MAP1B: variants seen among roughly 807,000 people sequenced by gnomAD.
The protein encoded by MAP1B is microtubule-associated protein 1B.
A neutral mutation model predicts 176.1 loss-of-function variants in MAP1B; 12 were observed. The ratio of observed to expected loss-of-function variants is 0.07; its 90% CI spans 0.04 to 0.11. MAP1B has a LOEUF of 0.11. Ranked by LOEUF, MAP1B falls within the 10% of genes least tolerant of loss-of-function variation. The pLI, the probability that MAP1B is intolerant of heterozygous loss-of-function variation, is 1.00. For synonymous variants in MAP1B, 1,044 were observed against 1,135.0 expected, an observed-to-expected ratio of 0.92 and a Z score of 1.61; for missense variants, 2,523 against 2,990.5, an observed-to-expected ratio of 0.84 and a Z score of 3.65.
At chr5:72,140,801 TA>T (rs1261119638) in intron 2 of MAP1B, among the ~76,000 whole-genome samples, 4 of 152,140 alleles carry the variant, frequency 2.6e-5, no homozygotes. Context: ...CATGAAAAAA[TA>T]AAAGGGCCAA....
chr5:72,162,581 A>T (rs375433705), intron 2 of MAP1B, among the ~76,000 whole-genome samples: 1 of 152,152 alleles, frequency 6.6e-6, no homozygotes, highest in African/African-American at 2.4e-5. Flanking sequence ...GTTAGCGCTT[A>T]TGAAATATTT....
chr5:72,112,555 A>G (rs1220343760), intron 1 of MAP1B, among the ~76,000 whole-genome samples: 1 of 152,050 alleles, frequency 6.6e-6, no homozygotes, highest in African/African-American at 2.4e-5. Flanking sequence ...TATCATGTGC[A>G]TGTCAGCCTC....
At chr5:72,110,298 A>G (rs1745304253) in intron 1 of MAP1B, among the ~76,000 whole-genome samples, 1 of 152,214 alleles carries the variant, frequency 6.6e-6, no homozygotes, top group Admixed American at 6.5e-5. Context: ...GAACTCCGAA[A>G]TGACTGTATT....
At chr5:72,147,045 C>G (rs1293326239) in intron 2 of MAP1B, among the ~76,000 whole-genome samples, 1 of 150,720 alleles carries the variant, frequency 6.6e-6, no homozygotes, top group Non-Finnish European at 1.5e-5. Flanking sequence ...ACTGCAACCT[C>G]TGACTCCCAG....
chr5:72,154,113 A>G (rs942331600), intron 2 of MAP1B, among the ~76,000 whole-genome samples: 19 of 152,146 alleles, frequency 1.2e-4, no homozygotes, highest in Non-Finnish European at 2.6e-4. Context: ...CTAAAATTCC[A>G]TGGGGTGTTC....
At chr5:72,115,479 C>T (rs1531311) in intron 1 of MAP1B, among the ~76,000 whole-genome samples, 18,787 of 152,202 alleles carry the variant, frequency 0.12, 1,307 homozygotes, top group East Asian at 0.33. Flanking sequence ...GGGGCAGAAG[C>T]TCAGTCCACA....
At chr5:72,178,944 A>G (rs550615771) in intron 2 of MAP1B, among the ~76,000 whole-genome samples, 1 of 152,190 alleles carries the variant, frequency 6.6e-6, no homozygotes, top group Non-Finnish European at 1.5e-5. Context: ...AATCTGTCAC[A>G]TTTTCAAAAA....
rs116899520 is a variant in MAP1B, at chr5:72,202,284, C to T, written c.7013-1279C>T. 6.6e-5 allele frequency among the ~76,000 whole-genome samples: 10 copies of T among 152,320 alleles called. No homozygotes were observed. In the East Asian group the frequency reaches 1.9e-3, roughly 29 times the overall value. ...TGTTTAATTACTGGAAGAACTGTAA[C>T]TCACAAACTTCTAGTACAAGTCAGA... On this transcript the variant is annotated intron_variant, in intron 5 of 6. Coordinates refer to ENST00000296755, the MANE Select transcript of MAP1B (RefSeq NM_005909.5).
At chr5:72,178,382 A>G (rs1746693811) in intron 2 of MAP1B, among the ~76,000 whole-genome samples, 1 of 152,244 alleles carries the variant, frequency 6.6e-6, no homozygotes, top group African/African-American at 2.4e-5. Context: ...TAGCTAAATC[A>G]ACCCAGTCCT....
Position 72,194,891 on chromosome 5 carries a change from G to A in MAP1B, c.1536G>A (p.Lys512=). ...AGCTCAAACATCTAGACTTTCTGAAGCAGCCACTGGCCACCCAAAAGGATC... is the reference window on the plus strand; with the variant it reads ...AGCTCAAACATCTAGACTTTCTGAAACAGCCACTGGCCACCCAAAAGGATC... ...LEKLKHLDFL[K]QPLATQKDLT... Residue 512 remains lysine, a synonymous_variant, in exon 5 of 7, where the codon AAG becomes AAA. Transcript: ENST00000296755. This position sits in a 1 kb window ranked among gnomAD's most constrained non-coding sequence, Gnocchi z 7.2. The A allele has an allele frequency of 1.2e-6, 2 of 1,613,316 alleles. No homozygotes were observed. The highest frequency in any genetic ancestry group is 1.7e-6 in the Non-Finnish European group (2 of 1,179,906).
At chr5:72,144,603 C>G (rs1746012664) in intron 2 of MAP1B, among the ~76,000 whole-genome samples, 1 of 152,002 alleles carries the variant, frequency 6.6e-6, no homozygotes, top group South Asian at 2.1e-4. Context: ...CTATGTTTCC[C>G]AGGCCGGTCT....
At chr5:72,176,759 G>A (rs931073597) in intron 2 of MAP1B, among the ~76,000 whole-genome samples, 8 of 152,204 alleles carry the variant, frequency 5.3e-5, no homozygotes, top group Non-Finnish European at 8.8e-5. Flanking sequence ...AAACCAGCAC[G>A]CACATTGAAT....
chr5:72,160,394 A>G (rs961274501), intron 2 of MAP1B, among the ~76,000 whole-genome samples: 4 of 152,208 alleles, frequency 2.6e-5, no homozygotes, highest in African/African-American at 9.7e-5. Flanking sequence ...AGCTGATGTT[A>G]TTTAAACAAC....
chr5:72,144,959 T>C (rs1161923272), intron 2 of MAP1B, among the ~76,000 whole-genome samples: 3 of 152,166 alleles, frequency 2.0e-5, no homozygotes, highest in East Asian at 3.9e-4. Flanking sequence ...CTGTTGTTGC[T>C]TGTGTGAGAT....
chr5:72,146,890 C>A (rs1252840873), intron 2 of MAP1B, among the ~76,000 whole-genome samples: 2 of 152,126 alleles, frequency 1.3e-5, no homozygotes, highest in African/African-American at 4.8e-5. Flanking sequence ...AAAAGCAGCA[C>A]CTCCTTGGCT....
In MAP1B at chr5:72,194,901, G is replaced by A; in HGVS notation, c.1546G>A (p.Ala516Thr). 1 of 1,614,126 alleles carries A rather than the reference G, an allele frequency of 6.2e-7. No individual in the cohort carries two copies. Residue 516 changes from alanine to threonine, a missense_variant, in exon 5 of 7, where the codon GCC (alanine) becomes ACC (threonine). Physicochemically the swap from Ala to Thr is moderately conservative, Grantham distance 58. Around this residue, in one of 4 missense-constraint regions of MAP1B, gnomAD observed 1,925 missense variants for 2,126.0 expected, o/e 0.91. Coordinates refer to ENST00000296755, the MANE Select transcript of MAP1B (RefSeq NM_005909.5). The surrounding 1 kb of genome is among the most constrained non-coding windows in gnomAD (Gnocchi z 7.2). ...KHLDFLKQPL[A>T]TQKDLTGQVP... The stretch of plus-strand genomic sequence containing the variant: ...TCTAGACTTTCTGAAGCAGCCACTG[G>A]CCACCCAAAAGGATCTCACTGGCCA...
chr5:72,134,126 T>C (rs1745788060), intron 2 of MAP1B, among the ~76,000 whole-genome samples: 1 of 152,256 alleles, frequency 6.6e-6, no homozygotes, highest in Admixed American at 6.5e-5. Context: ...GTTTTGTGTG[T>C]GTACATGTTG....
chr5:72,109,858 A>G (rs946710648), intron 1 of MAP1B, among the ~76,000 whole-genome samples: 32 of 152,326 alleles, frequency 2.1e-4, no homozygotes, highest in East Asian at 1.4e-3. Flanking sequence ...TGGTTCAGCA[A>G]TCACCTTCGG....
At chr5:72,146,987 A>T in intron 2 of MAP1B, among the ~76,000 whole-genome samples, 1 of 142,394 alleles carries the variant, frequency 7.0e-6, no homozygotes, top group Non-Finnish European at 1.5e-5. Context: ...TTTGAGACAG[A>T]TCTTGTTCTG....
Sources: allele counts gnomAD v4.1 joint callset (sites outside exome capture counted in the v4.1 genomes callset), GRCh38; gene constraint gnomAD v4.1.1; regional missense constraint gnomAD v4.1.1; non-coding constraint Gnocchi (gnomAD v3.1); transcripts MANE v1.5; gene names NCBI Gene and HGNC (gene_info 2026-07-23, HGNC 2026-07-21).